Variants in EVC2 observed in about 807,000 individuals in gnomAD.
EVC2 encodes the protein EvC ciliary complex subunit 2.
A neutral mutation model predicts 149.3 loss-of-function variants in EVC2; 148 were observed. The ratio of observed to expected loss-of-function variants is 0.99; its 90% confidence interval spans 0.87 to 1.14. The LOEUF (loss-of-function observed/expected upper bound fraction) is 1.14, where lower values mean the gene tolerates loss of function less well. Ranked by LOEUF, EVC2 falls within the 50% of genes most tolerant of loss-of-function variation. The pLI, the probability that EVC2 is intolerant of heterozygous loss-of-function variation, is 0.00. For synonymous variants in EVC2, 776 were observed against 649.9 expected (o/e 1.19, Z -2.95); for missense variants, 1,854 against 1,627.3 (o/e 1.14, Z -2.40).
At chr4:5,693,585 A>G (rs1327979754) in intron 3 of EVC2, among the ~76,000 whole-genome samples, 2 of 152,198 alleles carry the variant, frequency 1.3e-5, no homozygotes, top group Non-Finnish European at 2.9e-5. Flanking sequence ...GGGCTTCCAG[A>G]CTTCTAACCT....
chr4:5,628,743 T>TAAA lies in EVC2; in HGVS notation c.1711-12_1711-10dup, dbSNP rs35103377. 377 of 1,419,868 alleles carry TAAA rather than the reference T, an allele frequency of 2.7e-4. No homozygotes were observed. Among genetic ancestry groups the TAAA allele is most frequent in the African/African-American group, 2.0e-3 (146 of 72,462 alleles). The allele number at this position is 1,419,868 out of a possible 1,614,324, so 88.0% of individuals were successfully genotyped here. A position where few individuals can be genotyped will look rare whatever the true frequency, so the allele number is the denominator to read the frequency against. ...AACTCTTCTACATTCTCCTGTCAATTAAAAAAAAAAACAAGAAAATATGCC... is the reference window on the plus strand; with the variant it reads ...AACTCTTCTACATTCTCCTGTCAATTAAAAAAAAAAAAAACAAGAAAATATGCC... On this transcript the variant is annotated splice_polypyrimidine_tract_variant and intron_variant, in intron 11 of 21. Transcript: ENST00000344408.
rs1720058730 is a variant in EVC2 at position 5,677,365 on chromosome 4, T to A, written c.870+3895A>T. ...CACACAACACCATAGGGCCATCCTG[T>A]GCATACACCTCCTCTTCCCACTCAA... On this transcript the variant is annotated intron_variant, in intron 7 of 21. Transcript: ENST00000344408. This position sits in a 1 kb window ranked among gnomAD's most constrained non-coding sequence, Gnocchi z 4.3. Among the ~76,000 whole-genome samples, 1 of 152,188 alleles carries A rather than the reference T, an allele frequency of 6.6e-6. No individual in the cohort carries two copies. The highest frequency in any genetic ancestry group is 2.4e-5 in the African/African-American group (1 of 41,440).
chr4:5,586,741 T>C (rs1387802747), intron 16 of EVC2, among the ~76,000 whole-genome samples: 4 of 152,210 alleles, frequency 2.6e-5, no homozygotes, highest in African/African-American at 9.6e-5. Context: ...AATTATGATC[T>C]GGAAGCCCCC....
At chr4:5,706,473 CATAG>C (rs1388517473) in intron 1 of EVC2, among the ~76,000 whole-genome samples, 2 of 123,990 alleles carry the variant, frequency 1.6e-5, no homozygotes, top group Admixed American at 8.2e-5. Flanking sequence ...TACATACATA[CATAG>C]ATAATATTGA....
At chr4:5,545,131 G>A (rs1721589733) in intron 21 of EVC2, among the ~76,000 whole-genome samples, 1 of 152,210 alleles carries the variant, frequency 6.6e-6, no homozygotes. Context: ...CCTATAGATG[G>A]CCCTGTATGG....
At chr4:5,535,639 G>A in the EVC2 span, among the ~76,000 whole-genome samples, 4 of 148,210 alleles carry the variant, frequency 2.7e-5, no homozygotes, top group Non-Finnish European at 5.9e-5. The surrounding 1 kb of genome is among the most constrained non-coding windows in gnomAD (Gnocchi z 4.7). Flanking sequence ...GAGAGAAAGA[G>A]ATAATCTCCT....
At chr4:5,605,675 A>G (rs759134345) in intron 16 of EVC2, among the ~76,000 whole-genome samples, 4 of 152,246 alleles carry the variant, frequency 2.6e-5, no homozygotes, top group African/African-American at 4.8e-5. Flanking sequence ...AACTCAGCAA[A>G]GAAGGGCTTG....
At position 5,576,354 on chromosome 4, in the gene EVC2, T is replaced by C; in HGVS notation, c.3158A>G (p.Asp1053Gly). 1 of 1,614,166 alleles carries C rather than the reference T, an allele frequency of 6.2e-7. No individual in the cohort carries two copies. Among genetic ancestry groups the C allele is most frequent in the South Asian group, 1.1e-5 (1 of 91,076 alleles). ...ALASWQQWVA[D>G]GPGILNEPGE... Reference sequence around the variant, plus strand: ...AGGTTCGTTCAGAATCCCGGGCCCATCGGCCACCCACTGCTGCCAGCTCGC... The same window carrying C: ...AGGTTCGTTCAGAATCCCGGGCCCACCGGCCACCCACTGCTGCCAGCTCGC... Residue 1053 changes from aspartate (D) to glycine (G), a missense_variant, in exon 18 of 22, where the codon GAT becomes GGT. Asp to Gly is a moderately conservative substitution (Grantham distance 94). Coordinates refer to ENST00000344408, the MANE Select transcript of EVC2 (RefSeq NM_147127.5). The surrounding 1 kb of genome is among the most constrained non-coding windows in gnomAD (Gnocchi z 4.5).
chr4:5,652,102 G>T (rs1718186601), intron 9 of EVC2, among the ~76,000 whole-genome samples: 1 of 152,208 alleles, frequency 6.6e-6, no homozygotes, highest in Non-Finnish European at 1.5e-5. Flanking sequence ...CACTGAAAAG[G>T]TGCCTCTGGC....
At chr4:5,544,987 T>G (rs1201309276) in intron 21 of EVC2, among the ~76,000 whole-genome samples, 1 of 152,196 alleles carries the variant, frequency 6.6e-6, no homozygotes, top group Non-Finnish European at 1.5e-5. Context: ...ATGCTGTTCC[T>G]TCTGCTTCCA....
At chr4:5,659,123 C>T (rs368156647) in intron 9 of EVC2, among the ~76,000 whole-genome samples, 3 of 152,274 alleles carry the variant, frequency 2.0e-5, no homozygotes, top group African/African-American at 7.2e-5. Flanking sequence ...AAAAATAACT[C>T]GGCAGGATAG....
intron 21 of EVC2, among the ~76,000 whole-genome samples, chr4:5,547,668 C>G (rs1056605738): frequency 6.6e-6 from 1 of 152,196 alleles, no homozygotes; most frequent in Non-Finnish European, 1.5e-5. Context: ...TACTGTGTCA[C>G]TCAATAAAGC....
chr4:5,652,394 C>T (rs1242579268), intron 9 of EVC2, among the ~76,000 whole-genome samples: 2 of 152,176 alleles, frequency 1.3e-5, no homozygotes, highest in East Asian at 1.9e-4. Context: ...ACGCACCCTC[C>T]GGGGACTGTC....
At chr4:5,600,703 A>C (rs1422821556) in intron 16 of EVC2, among the ~76,000 whole-genome samples, 1 of 152,238 alleles carries the variant, frequency 6.6e-6, no homozygotes, top group East Asian at 1.9e-4. Flanking sequence ...TACCTTCCCA[A>C]GTCACAGAAA....
chr4:5,625,603 T>A lies in EVC2; in HGVS notation c.2046+146A>T, dbSNP rs967965574. Reference sequence around the variant, plus strand: ...CAGCATTCCAAAAAGTCGCTACCAATCAACAGTAGATGGCACATCATGGTG... The same window carrying A: ...CAGCATTCCAAAAAGTCGCTACCAAACAACAGTAGATGGCACATCATGGTG... On this transcript the variant is annotated intron_variant, in intron 13 of 21. Coordinates refer to ENST00000344408, the MANE Select transcript of EVC2 (RefSeq NM_147127.5). The surrounding 1 kb of genome is among the most constrained non-coding windows in gnomAD (Gnocchi z 4.0). The A allele has an allele frequency of 3.8e-6, 4 of 1,039,968 alleles. No individual in the cohort carries two copies. The highest frequency in any genetic ancestry group is 4.2e-6 in the Non-Finnish European group (3 of 710,600). 64.4% of individuals were successfully genotyped at this position (1,039,968 alleles called of 1,614,324 possible).
chr4:5,576,611 C>T lies in EVC2; in HGVS notation c.3058-157G>A, dbSNP rs1722951935. ...TGCCACATGGTGCAATGTGAGTGCA[C>T]CACGATCTCTCACCCCTGTGTCACC... On this transcript the variant is annotated intron_variant, in intron 17 of 21. Transcript: ENST00000344408. This position sits in a 1 kb window ranked among gnomAD's most constrained non-coding sequence, Gnocchi z 4.5. Among the ~76,000 whole-genome samples the T allele has an allele frequency of 6.6e-6, 1 of 152,154 alleles. No homozygotes were observed. Among genetic ancestry groups the T allele is most frequent in the Non-Finnish European group, 1.5e-5 (1 of 68,020 alleles).
chr4:5,594,136 G>C (rs936595483), intron 16 of EVC2, among the ~76,000 whole-genome samples: 1 of 152,272 alleles, frequency 6.6e-6, no homozygotes, highest in East Asian at 1.9e-4. Flanking sequence ...TCCACCTCTG[G>C]GGGCAGGGCA....
chr4:5,598,321 C>T (rs1476915670), intron 16 of EVC2, among the ~76,000 whole-genome samples: 4 of 151,482 alleles, frequency 2.6e-5, no homozygotes, highest in Non-Finnish European at 5.9e-5. Context: ...TCAAACTATA[C>T]TACAAGGCTA....
At chr4:5,577,493 C>T (rs1207527403) in intron 17 of EVC2, among the ~76,000 whole-genome samples, 1 of 152,110 alleles carries the variant, frequency 6.6e-6, no homozygotes, top group Non-Finnish European at 1.5e-5. Context: ...TCCTAAGAGG[C>T]CTTGGTTGGA....
Sources: allele counts gnomAD v4.1 joint callset (sites outside exome capture counted in the v4.1 genomes callset), GRCh38; gene constraint gnomAD v4.1.1; non-coding constraint Gnocchi (gnomAD v3.1); transcripts MANE v1.5; gene names NCBI Gene and HGNC (gene_info 2026-07-23, HGNC 2026-07-21).